The following ANGEL1 variants were observed in gnomAD, a reference collection of about 807,000 sequenced individuals.
ANGEL1 encodes the protein angel homolog 1, also known as RNA 2',3'-cyclic phosphatase ANGEL1.
In ANGEL1, 62 loss-of-function variants were observed where a neutral mutation model predicts 76.4. That is an observed-to-expected ratio of 0.81 (90% CI 0.66 to 1.00). The LOEUF is 1.00. Ranked by LOEUF, ANGEL1 falls within the 50% of genes least tolerant of loss-of-function variation. The probability of loss-of-function intolerance (pLI) is 0.00; values close to 1 mark genes in which losing one functional copy is unlikely to be tolerated. For missense variants in ANGEL1, 737 were observed against 836.7 expected (o/e 0.88, Z 1.47); for synonymous variants, 340 against 331.7 (o/e 1.03, Z -0.27).
intron 7 of ANGEL1, among the ~76,000 whole-genome samples, chr14:76,796,101 AT>A (rs1161449170): frequency 1.3e-5 from 2 of 151,764 alleles, no homozygotes; most frequent in Non-Finnish European, 2.9e-5. Flanking sequence ...AATTCTATGA[AT>A]TTTTTCTTGA....
At position 76,788,941 on chromosome 14, in the gene ANGEL1, G is replaced by A; in HGVS notation, c.*287C>T. The A allele has an allele frequency of 2.9e-6, 1 of 349,260 alleles. No individual in the cohort carries two copies. Among genetic ancestry groups the A allele is most frequent in the Non-Finnish European group, 5.2e-6 (1 of 192,436 alleles). The allele number at this position is 349,260 out of a possible 1,614,324, so 21.6% of individuals were successfully genotyped here. A position where few individuals can be genotyped will look rare whatever the true frequency, so the allele number is the denominator to read the frequency against. ...AACCCTGGTAATTAAAAATCAAGGG[G>A]GAGCGCTGGATACATGGAAGGAAGG... On this transcript the variant is annotated 3_prime_UTR_variant, in exon 10 of 10. Coordinates refer to ENST00000251089, the MANE Select transcript of ANGEL1 (RefSeq NM_015305.4).
intron 1 of ANGEL1, chr14:76,810,139 G>T (rs193116904): frequency 4.4e-6 from 2 of 453,420 alleles, no homozygotes; most frequent in African/African-American, 2.0e-5. Flanking sequence ...GTAAAATGGG[G>T]ACAAGAGGCC....
intron 1 of ANGEL1, chr14:76,809,971 G>C (rs899270649): frequency 1.3e-5 from 5 of 399,866 alleles, no homozygotes; most frequent in African/African-American, 6.2e-5. Flanking sequence ...ACATGACTTA[G>C]TTAAGACTAC....
intron 7 of ANGEL1, among the ~76,000 whole-genome samples, chr14:76,796,945 A>C (rs1894597772): frequency 1.3e-5 from 2 of 151,520 alleles, no homozygotes; most frequent in South Asian, 2.1e-4. Context: ...CACACACACA[A>C]AATCACAGTG....
At chr14:76,790,802 T>C (rs1252814122) in intron 8 of ANGEL1, 28 bp from the exon 9 acceptor site, 2 of 1,535,442 alleles carry the variant, frequency 1.3e-6, no homozygotes, top group Non-Finnish European at 1.8e-6. Flanking sequence ...GAAACATTAG[T>C]TAACAAAAAT....
intron 7 of ANGEL1, among the ~76,000 whole-genome samples, chr14:76,793,557 G>GTTTTTTTTTTTTTTTTTT (rs113463837): frequency 7.6e-6 from 1 of 131,868 alleles, no homozygotes; most frequent in African/African-American, 2.8e-5. Flanking sequence ...GGTTTTTTTG[G>GTTTTTTTTTTTTTTTTTT]TTTTTTTTTT....
chr14:76,803,283 C>T (rs781413427), intron 7 of ANGEL1, 88 bp downstream of exon 7: 12 of 1,079,816 alleles, frequency 1.1e-5, no homozygotes, highest in African/African-American at 1.6e-5. Context: ...AAGAATTATA[C>T]TTAGAAAAGA....
intron 7 of ANGEL1, among the ~76,000 whole-genome samples, chr14:76,797,926 T>C (rs1002933900): frequency 6.6e-6 from 1 of 152,232 alleles, no homozygotes; most frequent in Non-Finnish European, 1.5e-5. Flanking sequence ...CAAATTCATA[T>C]GTTGAAATCC....
chr14:76,792,845 G>A (rs1462507312), intron 7 of ANGEL1, among the ~76,000 whole-genome samples: 2 of 152,182 alleles, frequency 1.3e-5, no homozygotes, highest in Non-Finnish European at 2.9e-5. Flanking sequence ...AGGAAAGGGT[G>A]TCTGTTCTCA....
At chr14:76,790,314 G>C (rs891839219) in intron 9 of ANGEL1, among the ~76,000 whole-genome samples, 2 of 152,190 alleles carry the variant, frequency 1.3e-5, no homozygotes, top group African/African-American at 4.8e-5. Flanking sequence ...CCCTCATTCA[G>C]TGGCTGTCAT....
intron 3 of ANGEL1, 85 bp downstream of exon 3, chr14:76,807,837 T>G: frequency 1.4e-6 from 2 of 1,430,266 alleles, no homozygotes; most frequent in Non-Finnish European, 1.9e-6. Context: ...TGAACAACTA[T>G]GGGTTGAACT....
rs552378821 is a variant in ANGEL1, at chr14:76,806,828, C to T, written c.968G>A (p.Arg323Lys). ...GCCATCGGTTTTACACCCAGTCCTC[C>T]TCTTGTAGAAACAGGTAAAGCCTGC... Reference protein sequence around the residue: ...RMMGFTCFYKRRTGCKTDGCA... With the variant: ...RMMGFTCFYKKRTGCKTDGCA... The change falls in exon 5 of 10, where the codon AGG becomes AAG. Residue 323 changes from arginine to lysine, a missense_variant. Arg to Lys is a conservative substitution (Grantham distance 26). This residue lies in a region of ANGEL1 where 441 missense variants were observed against 449.5 expected (regional missense o/e 0.98). Transcript: ENST00000251089. 6.2e-6 allele frequency: 10 copies of T among 1,613,594 alleles called. No homozygotes were observed. In the East Asian group the frequency reaches 2.2e-4, roughly 36 times the overall value.
rs1894298247 is a variant in ANGEL1 at position 76,788,028 on chromosome 14, T to C, written c.*1200A>G. 6.6e-6 allele frequency: 1 copy of C among 152,268 alleles called. No individual in the cohort carries two copies. The highest frequency in any genetic ancestry group is 2.4e-5 in the African/African-American group (1 of 41,450). The allele number at this position is 152,268 out of a possible 1,614,324, so 9.4% of individuals were successfully genotyped here. On this transcript the variant is annotated 3_prime_UTR_variant, in exon 10 of 10. Coordinates refer to ENST00000251089, the MANE Select transcript of ANGEL1 (RefSeq NM_015305.4). ...ACTTCAAATTCTTGGACCAGTTTTG[T>C]CCAAGGCCACCTTTCTGCTGAGGCA... is the stretch of plus-strand genomic sequence containing the variant.
chr14:76,806,272 C>G lies in ANGEL1; in HGVS notation c.1380+144G>C, dbSNP rs141321784. ...AATTCTTAACTTCCAGGCTTGGGTACAAGCTATTCAACATAACAAGAAAAA... is the reference window on the plus strand; with the variant it reads ...AATTCTTAACTTCCAGGCTTGGGTAGAAGCTATTCAACATAACAAGAAAAA... On this transcript the variant is annotated intron_variant, in intron 5 of 9. Transcript: ENST00000251089. 112 of 836,198 alleles carry G rather than the reference C, an allele frequency of 1.3e-4. No individual in the cohort carries two copies. In the African/African-American group the frequency reaches 1.7e-3, roughly 13 times the overall value. 51.8% of individuals were successfully genotyped at this position (836,198 alleles called of 1,614,324 possible). A position where few individuals can be genotyped will look rare whatever the true frequency, so the allele number is the denominator to read the frequency against.
At position 76,809,116 on chromosome 14, in the gene ANGEL1, A is replaced by G; in HGVS notation, c.592T>C (p.Trp198Arg). 1 of 1,614,186 alleles carries G rather than the reference A, an allele frequency of 6.2e-7. No individual in the cohort carries two copies. ...EPVPQEEASIWPFEGLGQLQP... is the reference protein window; with the variant it reads ...EPVPQEEASIRPFEGLGQLQP... ...AACTGCCCCAGGCCCTCAAAGGGCCAGATGGAAGCCTCTTCCTGGGGCACA... is the reference window on the plus strand; with the variant it reads ...AACTGCCCCAGGCCCTCAAAGGGCCGGATGGAAGCCTCTTCCTGGGGCACA... The change falls in exon 2 of 10, where the codon TGG becomes CGG. Residue 198 changes from tryptophan to arginine, a missense_variant. Physicochemically the swap from Trp to Arg is moderately radical, Grantham distance 101 (BLOSUM62 -3). Around this residue, in one of 2 missense-constraint regions of ANGEL1, gnomAD observed 441 missense variants for 449.5 expected, o/e 0.98. Coordinates refer to ENST00000251089, the MANE Select transcript of ANGEL1 (RefSeq NM_015305.4).
chr14:76,811,855 T>C (rs1895097036), intron 1 of ANGEL1, among the ~76,000 whole-genome samples: 1 of 152,194 alleles, frequency 6.6e-6, no homozygotes, highest in Non-Finnish European at 1.5e-5. Flanking sequence ...ATTTAAAATA[T>C]TTCTATATGA....
chr14:76,795,638 G>A (rs533153803), intron 7 of ANGEL1, among the ~76,000 whole-genome samples: 26 of 152,292 alleles, frequency 1.7e-4, no homozygotes, highest in African/African-American at 6.3e-4. Context: ...GTTTCTGAGG[G>A]ACTGTATCTC....
chr14:76,803,353 G>C lies in ANGEL1; in HGVS notation c.1618+18C>G, dbSNP rs757634261. ...GAGGAAGAAAGAAGACCAAGAAACT[G>C]GGATTAGTTCCCATTACCTGGCTTA... On this transcript the variant is annotated intron_variant, in intron 7 of 9. Coordinates refer to ENST00000251089, the MANE Select transcript of ANGEL1 (RefSeq NM_015305.4). 1.9e-5 allele frequency: 30 copies of C among 1,591,950 alleles called. No homozygotes were observed. The highest frequency in any genetic ancestry group is 2.5e-5 in the Non-Finnish European group (29 of 1,161,706).
intron 1 of ANGEL1, 124 bp downstream of exon 1, chr14:76,812,640 C>T: frequency 1.5e-6 from 2 of 1,345,264 alleles, no homozygotes; most frequent in Non-Finnish European, 9.5e-7. Context: ...CTCCCTACAC[C>T]TCGGCACTGC....
Sources: gnomAD v4.1 joint callset for allele counts (sites outside exome capture counted in the v4.1 genomes callset) on GRCh38, gnomAD v4.1.1 for gene constraint, gnomAD v4.1.1 regional missense constraint, MANE v1.5 for transcripts, NCBI Gene and HGNC (gene_info 2026-07-23, HGNC 2026-07-21) for gene names.